The following NCOA1 variants were observed in gnomAD, a reference collection of about 807,000 sequenced individuals.
NCOA1 encodes the protein Hin-2 protein.
In NCOA1, 35 loss-of-function variants were observed where a neutral mutation model predicts 150.9. The ratio of observed to expected loss-of-function variants is 0.23; its 90% CI spans 0.18 to 0.31. The LOEUF (loss-of-function observed/expected upper bound fraction) is 0.31, where lower values mean the gene tolerates loss of function less well. NCOA1 is among the 10% of genes least tolerant of loss of function. NCOA1 has a pLI of 1.00. For synonymous variants in NCOA1, 590 were observed against 630.0 expected (o/e 0.94, Z 0.95); for missense variants, 1,491 against 1,749.3 (o/e 0.85, Z 2.63).
intron 13 of NCOA1, 89 bp downstream of exon 13, chr2:24,707,977 C>A: frequency 7.0e-7 from 1 of 1,429,514 alleles, no homozygotes; most frequent in African/African-American, 1.5e-5. Context: ...GATATGAATT[C>A]ATACTATGTT....
intron 1 of NCOA1, among the ~76,000 whole-genome samples, chr2:24,513,739 A>C (rs1275168385): frequency 6.6e-6 from 1 of 152,220 alleles, no homozygotes; most frequent in African/African-American, 2.4e-5. Context: ...AGAGTGTGAG[A>C]GTTTTACATT....
chr2:24,741,117 T>G (rs1663578333), intron 18 of NCOA1, among the ~76,000 whole-genome samples: 1 of 152,168 alleles, frequency 6.6e-6, no homozygotes, highest in Non-Finnish European at 1.5e-5. Flanking sequence ...AGGCATTGGA[T>G]CCTAGATTTC....
At chr2:24,718,749 C>T (rs879340417) in intron 14 of NCOA1, among the ~76,000 whole-genome samples, 19 of 150,838 alleles carry the variant, frequency 1.3e-4, no homozygotes, top group Admixed American at 7.3e-4. Flanking sequence ...ACAAATCAGC[C>T]GGGCGGCTAC....
intron 17 of NCOA1, among the ~76,000 whole-genome samples, chr2:24,734,732 G>T (rs1266365357): frequency 6.6e-6 from 1 of 152,110 alleles, no homozygotes; most frequent in Non-Finnish European, 1.5e-5. Flanking sequence ...TCTTGAGCCA[G>T]AGTTCAAGGC....
chr2:24,567,817 C>G (rs973448962), intron 2 of NCOA1, among the ~76,000 whole-genome samples: 3 of 152,154 alleles, frequency 2.0e-5, no homozygotes, highest in African/African-American at 7.2e-5. Context: ...GTGGCATGAT[C>G]TTGGCTCACT....
At chr2:24,659,910 A>C (rs181712765) in intron 5 of NCOA1, among the ~76,000 whole-genome samples, 2 of 152,126 alleles carry the variant, frequency 1.3e-5, no homozygotes, top group Admixed American at 1.3e-4. Context: ...CCTCTAGTTG[A>C]TAATCACTGA....
intron 3 of NCOA1, among the ~76,000 whole-genome samples, chr2:24,629,813 C>CATATATATATATATATATATAT (rs1356211925): frequency 1.8e-4 from 14 of 77,320 alleles, no homozygotes; most frequent in African/African-American, 4.5e-4. Flanking sequence ...AAGTAACATA[C>CATATATATATATATATATATAT]ATACATATAT....
chr2:24,596,780 T>A (rs546586975), intron 3 of NCOA1, among the ~76,000 whole-genome samples: 1 of 152,294 alleles, frequency 6.6e-6, no homozygotes, highest in East Asian at 1.9e-4. Flanking sequence ...TGATTTAATG[T>A]GCTATTACAT....
At chr2:24,504,169 G>A (rs990603457) in intron 1 of NCOA1, among the ~76,000 whole-genome samples, 1 of 152,196 alleles carries the variant, frequency 6.6e-6, no homozygotes, top group Non-Finnish European at 1.5e-5. Context: ...GATACTAGGA[G>A]CCTAGTATGA....
chr2:24,571,692 G>T (rs1333309895), intron 2 of NCOA1, among the ~76,000 whole-genome samples: 2 of 152,140 alleles, frequency 1.3e-5, no homozygotes, highest in Non-Finnish European at 1.5e-5. Flanking sequence ...TTAAAGACCA[G>T]TTTTTATGTA....
intron 4 of NCOA1, among the ~76,000 whole-genome samples, chr2:24,648,297 G>C (rs1017361371): frequency 2.7e-5 from 4 of 149,562 alleles, no homozygotes; most frequent in Non-Finnish European, 5.9e-5. Flanking sequence ...TTTTTGAGAC[G>C]GTGTCTCACT....
At chr2:24,739,074 C>G (rs1196006899) in intron 17 of NCOA1, among the ~76,000 whole-genome samples, 3 of 152,078 alleles carry the variant, frequency 2.0e-5, no homozygotes, top group Non-Finnish European at 4.4e-5. Flanking sequence ...ATTTTAAGAC[C>G]TAGGGCTGGT....
Position 24,560,375 on chromosome 2 carries a change from G to T in NCOA1, c.-395-3920G>T, listed in dbSNP as rs375985836. On this transcript the variant is annotated intron_variant, in intron 1 of 22. Transcript: ENST00000348332. ...ACTTGGAATTTTATTAAATTTACTTGGTTGCCTTGTGACCTCCACTCTTTG... is the reference window on the plus strand; with the variant it reads ...ACTTGGAATTTTATTAAATTTACTTTGTTGCCTTGTGACCTCCACTCTTTG... Among the ~76,000 whole-genome samples the T allele has an allele frequency of 1.1e-4, 17 of 152,030 alleles. No homozygotes were observed. The South Asian group carries it at 2.1e-3, about 19-fold the overall frequency.
chr2:24,516,106 C>A (rs1664147968), intron 1 of NCOA1, among the ~76,000 whole-genome samples: 2 of 150,626 alleles, frequency 1.3e-5, no homozygotes, highest in Admixed American at 6.6e-5. Context: ...CCTTGCTCTG[C>A]ATGTTATAAA....
chr2:24,541,302 G>A (rs1417235918), intron 1 of NCOA1, among the ~76,000 whole-genome samples: 1 of 152,084 alleles, frequency 6.6e-6, no homozygotes, highest in African/African-American at 2.4e-5. Flanking sequence ...AAGAGTGAGA[G>A]GTGAACCAAG....
At chr2:24,605,701 C>T (rs567060058) in intron 3 of NCOA1, among the ~76,000 whole-genome samples, 2 of 152,168 alleles carry the variant, frequency 1.3e-5, no homozygotes, top group Non-Finnish European at 2.9e-5. Flanking sequence ...ATTTCCTCTT[C>T]TTCCTGGGCA....
At chr2:24,534,490 A>C (rs1407707242) in intron 1 of NCOA1, among the ~76,000 whole-genome samples, 1 of 150,230 alleles carries the variant, frequency 6.7e-6, no homozygotes, top group East Asian at 2.0e-4. Flanking sequence ...GTCTTCTGCT[A>C]GCTTTTGAAT....
rs191976193 is a variant in NCOA1 at position 24,568,442 on chromosome 2, A to G, written c.-260+4012A>G. Among the ~76,000 whole-genome samples the G allele has an allele frequency of 3.0e-3, 460 of 152,328 alleles. 2 individuals carry two copies. The highest frequency in any genetic ancestry group is 0.011 in the African/African-American group (442 of 41,568). ...AGTTTTTTTTCTGTGCTGTGATGGA[A>G]AGAGCAGAAGCTTTACTCTCATGCT... On this transcript the variant is annotated intron_variant, in intron 2 of 22. Transcript: ENST00000348332.
chr2:24,559,686 T>C (rs1205544434), intron 1 of NCOA1, among the ~76,000 whole-genome samples: 1 of 151,464 alleles, frequency 6.6e-6, no homozygotes. Flanking sequence ...GACAGGAATA[T>C]CCTTCTTTTC....
Sources: gnomAD v4.1 joint callset for allele counts (sites outside exome capture counted in the v4.1 genomes callset) on GRCh38, gnomAD v4.1.1 for gene constraint, MANE v1.5 for transcripts, NCBI Gene and HGNC (gene_info 2026-07-23, HGNC 2026-07-21) for gene names.